GLDC: variants seen among roughly 807,000 people sequenced by gnomAD.
GLDC encodes glycine decarboxylase.
In GLDC, 104 loss-of-function variants were observed where a neutral mutation model predicts 121.3. The observed-to-expected ratio is 0.86, with a 90% CI of 0.73 to 1.01. The LOEUF is 1.01. Ranked by LOEUF, GLDC falls within the 50% of genes least tolerant of loss-of-function variation. The probability of loss-of-function intolerance (pLI) is 0.00; values close to 1 mark genes in which losing one functional copy is unlikely to be tolerated. For synonymous variants in GLDC, 546 were observed against 480.6 expected, an observed-to-expected ratio of 1.14 and a Z score of -1.78; for missense variants, 1,429 against 1,306.6, an observed-to-expected ratio of 1.09 and a Z score of -1.44.
chr9:6,533,078 G>T lies in GLDC; in HGVS notation c.3002C>A (p.Thr1001Asn), dbSNP rs555776146. Residue 1001 changes from threonine to asparagine, a missense_variant, in exon 25 of 25, where the codon ACC becomes AAC. Transcript: ENST00000321612. Reference sequence around the variant, plus strand: ...CTCATAAACTTCCATGGGTGGGCAGGTACAAACCAGGTGCTGATCTCCATA... The same window carrying T: ...CTCATAAACTTCCATGGGTGGGCAGTTACAAACCAGGTGCTGATCTCCATA... ...DIYGDQHLVC[T>N]CPPMEVYESP... 1.3e-4 allele frequency: 216 copies of T among 1,611,140 alleles called. 3 individuals are homozygous for T. In the South Asian group the frequency reaches 2.3e-3, roughly 17 times the overall value.
At chr9:6,538,642 C>T (rs571833968) in intron 22 of GLDC, among the ~76,000 whole-genome samples, 9 of 152,174 alleles carry the variant, frequency 5.9e-5, no homozygotes, top group Non-Finnish European at 2.9e-5. Flanking sequence ...ATCTTCAAAA[C>T]AACATTGAGG....
At chr9:6,605,000 G>C (rs1298443088) in intron 6 of GLDC, 131 bp downstream of exon 6, 8 of 1,028,828 alleles carry the variant, frequency 7.8e-6, no homozygotes, top group African/African-American at 3.1e-5. Flanking sequence ...GAGTCAGGAA[G>C]GAGAGTTTTA....
chr9:6,592,793 A>G, intron 10 of GLDC, 58 bp downstream of exon 10: 2 of 1,494,100 alleles, frequency 1.3e-6, no homozygotes, highest in Non-Finnish European at 1.9e-6. Flanking sequence ...AAAACCTTTT[A>G]ATGAGAAACA....
intron 2 of GLDC, among the ~76,000 whole-genome samples, chr9:6,632,798 G>A (rs139695170): frequency 6.6e-6 from 1 of 152,172 alleles, no homozygotes; most frequent in African/African-American, 2.4e-5. Flanking sequence ...AGTGGACCTT[G>A]AAGTCCTCCC....
chr9:6,574,542 C>G (rs1205259910), intron 15 of GLDC, among the ~76,000 whole-genome samples: 1 of 151,948 alleles, frequency 6.6e-6, no homozygotes, highest in Non-Finnish European at 1.5e-5. Flanking sequence ...AATACTGAAT[C>G]AGAAATTCTG....
chr9:6,551,008 C>CA (rs1817504946), intron 20 of GLDC, 94 bp from the exon 21 acceptor site: 1 of 833,542 alleles, frequency 1.2e-6, no homozygotes, highest in African/African-American at 1.7e-5. Context: ...AAACTCCACC[C>CA]ACAAAGGAAG....
At chr9:6,544,302 C>A (rs1032810515) in intron 21 of GLDC, among the ~76,000 whole-genome samples, 2 of 151,918 alleles carry the variant, frequency 1.3e-5, no homozygotes, top group Non-Finnish European at 2.9e-5. Flanking sequence ...GATGTGAGGG[C>A]CCAGCCCCTG....
At chr9:6,619,146 C>CAAAAAAA (rs1162280442) in intron 3 of GLDC, among the ~76,000 whole-genome samples, 58 of 60,662 alleles carry the variant, frequency 9.6e-4, no homozygotes, top group Non-Finnish European at 1.2e-3. Flanking sequence ...CTGTCTCAGG[C>CAAAAAAA]AAAAAAAAAA....
intron 17 of GLDC, 85 bp downstream of exon 17, chr9:6,558,474 A>T (rs1817680505): frequency 1.4e-6 from 2 of 1,444,022 alleles, no homozygotes; most frequent in South Asian, 2.3e-5. Context: ...GCAAGAGAAG[A>T]CATTTACATA....
At chr9:6,597,260 C>T (rs1037633539) in intron 8 of GLDC, among the ~76,000 whole-genome samples, 1 of 152,146 alleles carries the variant, frequency 6.6e-6, no homozygotes, top group African/African-American at 2.4e-5. Context: ...AATAGAATTT[C>T]TTTTTGGGGT....
At chr9:6,554,585 C>G in intron 19 of GLDC, 84 bp downstream of exon 19, 2 of 965,034 alleles carry the variant, frequency 2.1e-6, no homozygotes, top group Non-Finnish European at 3.3e-6. Flanking sequence ...CACATGAAGA[C>G]TTTGATGGGA....
intron 2 of GLDC, among the ~76,000 whole-genome samples, chr9:6,624,449 G>A (rs1236426253): frequency 2.0e-5 from 3 of 152,130 alleles, no homozygotes; most frequent in Non-Finnish European, 4.4e-5. Context: ...TGTATCCACA[G>A]GCCAAGGAAC....
chr9:6,545,791 C>CA, intron 21 of GLDC, among the ~76,000 whole-genome samples: 1 of 152,092 alleles, frequency 6.6e-6, no homozygotes, highest in Non-Finnish European at 1.5e-5. Flanking sequence ...CAGATGTCCA[C>CA]CACCATGCCT....
At chr9:6,575,025 G>A (rs1253110537) in intron 15 of GLDC, among the ~76,000 whole-genome samples, 2 of 151,546 alleles carry the variant, frequency 1.3e-5, no homozygotes, top group South Asian at 2.1e-4. Flanking sequence ...GAATTAGAGA[G>A]TTTTTTGCTT....
At chr9:6,605,556 G>A (rs112808652) in intron 5 of GLDC, among the ~76,000 whole-genome samples, 158 of 152,208 alleles carry the variant, frequency 1.0e-3, no homozygotes, top group African/African-American at 3.7e-3. Context: ...CAAGAGCATT[G>A]CTTCCTAGGG....
intron 24 of GLDC, chr9:6,534,192 AAAAAAAAAAGAAAG>A (rs1447279275): frequency 1.9e-5 from 3 of 160,556 alleles, no homozygotes; most frequent in African/African-American, 7.2e-5. Flanking sequence ...CAAAAAAAAA[AAAAAAAAAAGAAAG>A]AAAAAAAAAG....
chr9:6,537,739 C>G (rs1817163822), intron 22 of GLDC, among the ~76,000 whole-genome samples: 1 of 152,100 alleles, frequency 6.6e-6, no homozygotes. Context: ...AAGATCACAA[C>G]ACTGCACTCC....
intron 15 of GLDC, chr9:6,565,674 T>C (rs1817841897): frequency 1.6e-6 from 1 of 609,780 alleles, no homozygotes; most frequent in African/African-American, 1.8e-5. Context: ...AGATGGAGCT[T>C]TCTATATCCT....
At chr9:6,608,870 G>C (rs1818792934) in intron 4 of GLDC, among the ~76,000 whole-genome samples, 1 of 152,176 alleles carries the variant, frequency 6.6e-6, no homozygotes. Flanking sequence ...AGAGGTGGGT[G>C]GATGGCACTC....
Sources: gnomAD v4.1 joint callset for allele counts (sites outside exome capture counted in the v4.1 genomes callset) on GRCh38, gnomAD v4.1.1 for gene constraint, MANE v1.5 for transcripts, NCBI Gene and HGNC (gene_info 2026-07-23, HGNC 2026-07-21) for gene names.